Variants in SEZ6L observed in about 807,000 individuals in gnomAD.
SEZ6L encodes the protein seizure related 6 homolog like.
SEZ6L carries 37 observed loss-of-function variants against 106.2 expected under a neutral mutation model. The ratio of observed to expected loss-of-function variants is 0.35; its 90% CI spans 0.27 to 0.46. The LOEUF is 0.46. Among genes scored for constraint, SEZ6L ranks in the 20% least tolerant of loss-of-function variants. SEZ6L has a pLI of 1.00. For synonymous variants in SEZ6L, 541 were observed against 570.4 expected, an observed-to-expected ratio of 0.95 and a Z score of 0.73; for missense variants, 1,172 against 1,332.8, an observed-to-expected ratio of 0.88 and a Z score of 1.88.
chr22:26,370,859 C>T (rs1000640948), intron 13 of SEZ6L, among the ~76,000 whole-genome samples: 4 of 151,896 alleles, frequency 2.6e-5, no homozygotes, highest in South Asian at 2.1e-4. Flanking sequence ...AAAAAATTAG[C>T]GGGGCATGGT....
rs1293960744 is a variant in SEZ6L at position 26,382,222 on chromosome 22, T to C, written c.*1927T>C. The stretch of plus-strand genomic sequence containing the variant: ...AGTGTTCTAGGCCATTAGTGGACAA[T>C]GTCATGTTTGGAGAAAGATAACAAC... On this transcript the variant is annotated 3_prime_UTR_variant, in exon 17 of 17. Transcript: ENST00000248933. 2.0e-5 allele frequency: 5 copies of C among 247,646 alleles called. No homozygotes were observed. The East Asian group carries it at 4.8e-4, about 24-fold the overall frequency. The allele number at this position is 247,646 out of a possible 1,614,324, so 15.3% of individuals were successfully genotyped here.
At chr22:26,333,500 G>C (rs2082552260) in intron 9 of SEZ6L, among the ~76,000 whole-genome samples, 1 of 152,050 alleles carries the variant, frequency 6.6e-6, no homozygotes, top group Admixed American at 6.5e-5. Context: ...GCAGGGAAGA[G>C]TCCAGTCGGG....
intron 1 of SEZ6L, among the ~76,000 whole-genome samples, chr22:26,288,915 C>A (rs2081020012): frequency 1.3e-5 from 2 of 150,886 alleles, no homozygotes; most frequent in South Asian, 2.1e-4. Context: ...CCAGATAACC[C>A]AAAAAAAAAC....
intron 1 of SEZ6L, among the ~76,000 whole-genome samples, chr22:26,266,760 G>C (rs1323636162): frequency 1.3e-5 from 2 of 151,982 alleles, no homozygotes; most frequent in African/African-American, 2.4e-5. Flanking sequence ...GACCAGGTCA[G>C]TTCTGTTTCT....
At chr22:26,269,716 C>G (rs1055497200) in intron 1 of SEZ6L, among the ~76,000 whole-genome samples, 6 of 152,198 alleles carry the variant, frequency 3.9e-5, no homozygotes, top group African/African-American at 9.7e-5. Context: ...GCGTGTTATC[C>G]TGCCTGTCAC....
intron 1 of SEZ6L, among the ~76,000 whole-genome samples, chr22:26,236,009 TG>T (rs1324480433): frequency 2.0e-5 from 3 of 152,382 alleles, no homozygotes; most frequent in Admixed American, 6.5e-5. Flanking sequence ...GGCCTTGGCC[TG>T]GCCTTGGCCC....
At chr22:26,297,808 C>T (rs780393807) in intron 4 of SEZ6L, among the ~76,000 whole-genome samples, 1 of 151,066 alleles carries the variant, frequency 6.6e-6, no homozygotes, top group Non-Finnish European at 1.5e-5. Flanking sequence ...CTCTTCCTTT[C>T]CACCCTCTAT....
At chr22:26,359,957 GT>G (rs2083560171) in intron 12 of SEZ6L, among the ~76,000 whole-genome samples, 1 of 152,160 alleles carries the variant, frequency 6.6e-6, no homozygotes, top group Non-Finnish European at 1.5e-5. Context: ...GGCTGTTTTG[GT>G]CATGATTGTT....
chr22:26,339,125 T>C (rs997904189), intron 9 of SEZ6L, among the ~76,000 whole-genome samples: 2 of 152,086 alleles, frequency 1.3e-5, no homozygotes, highest in Non-Finnish European at 2.9e-5. Flanking sequence ...GTCCTTACTT[T>C]CTCTGTCCTT....
At chr22:26,188,765 G>C (rs1939978537) in intron 1 of SEZ6L, among the ~76,000 whole-genome samples, 1 of 152,182 alleles carries the variant, frequency 6.6e-6, no homozygotes, top group African/African-American at 2.4e-5. Flanking sequence ...ATAGCTCTAA[G>C]TGTTCACGCC....
intron 9 of SEZ6L, among the ~76,000 whole-genome samples, chr22:26,329,312 G>A (rs954562272): frequency 2.0e-5 from 3 of 151,946 alleles, no homozygotes; most frequent in African/African-American, 7.3e-5. Context: ...TACTAAAACT[G>A]CAAAAATTAG....
chr22:26,347,677 A>G, intron 10 of SEZ6L, 42 bp from the exon 11 acceptor site: 1 of 1,540,210 alleles, frequency 6.5e-7, no homozygotes, highest in Non-Finnish European at 8.7e-7. Flanking sequence ...CCCGACAACA[A>G]GACTGCTTCC....
At chr22:26,305,955 C>G in intron 5 of SEZ6L, 24 bp from the exon 6 acceptor site, 1 of 1,582,836 alleles carries the variant, frequency 6.3e-7, no homozygotes. Flanking sequence ...TCTCCCATTG[C>G]CCACCCACCC....
intron 1 of SEZ6L, among the ~76,000 whole-genome samples, chr22:26,170,414 G>A (rs1018194429): frequency 1.3e-5 from 2 of 152,084 alleles, no homozygotes; most frequent in African/African-American, 4.8e-5. Context: ...TAGCAGTTGG[G>A]AACCTGAACG....
At position 26,299,043 on chromosome 22, in the gene SEZ6L, G is replaced by A. The variant is rs201236913; in HGVS notation, c.1222G>A (p.Asp408Asn). 319 of 1,606,740 alleles carry A rather than the reference G, an allele frequency of 2.0e-4. No individual in the cohort carries two copies. The highest frequency in any genetic ancestry group is 2.5e-4 in the Non-Finnish European group (297 of 1,176,858). ...RPDSGDVTVM[D>N]LHSGGVAHFH... ...TGACTCTGGGGATGTCACGGTGATG[G>A]ACCTGCACTCAGGTGGGGTGGCCCA... Residue 408 changes from aspartate (D) to asparagine (N), a missense_variant, in exon 5 of 17, where the codon GAC (aspartate) becomes AAC (asparagine). Physicochemically the swap from Asp to Asn is conservative, Grantham distance 23. Transcript: ENST00000248933.
At chr22:26,356,650 AT>A (rs1222369595) in intron 12 of SEZ6L, among the ~76,000 whole-genome samples, 1 of 10,398 alleles carries the variant, frequency 9.6e-5, no homozygotes, top group Non-Finnish European at 2.1e-4. Context: ...TCAAATAATA[AT>A]AATAATAATA....
chr22:26,359,711 G>T (rs914700298), intron 12 of SEZ6L, among the ~76,000 whole-genome samples: 3 of 152,110 alleles, frequency 2.0e-5, no homozygotes, highest in Non-Finnish European at 2.9e-5. Flanking sequence ...AGGCTAAGGT[G>T]GGAGGATCTC....
At chr22:26,348,703 A>AAGGAAGG (rs2083149621) in intron 11 of SEZ6L, among the ~76,000 whole-genome samples, 5 of 41,482 alleles carry the variant, frequency 1.2e-4, no homozygotes, top group Admixed American at 5.3e-4. Flanking sequence ...AGAAAGAAAG[A>AAGGAAGG]AGGCAAGGGA....
chr22:26,244,941 G>A (rs1385443669), intron 1 of SEZ6L, among the ~76,000 whole-genome samples: 1 of 152,180 alleles, frequency 6.6e-6, no homozygotes, highest in African/African-American at 2.4e-5. Flanking sequence ...TTCAGCAATG[G>A]GGAGCCACGG....
Sources: gnomAD v4.1 joint callset for allele counts (sites outside exome capture counted in the v4.1 genomes callset) on GRCh38, gnomAD v4.1.1 for gene constraint, MANE v1.5 for transcripts, NCBI Gene and HGNC (gene_info 2026-07-23, HGNC 2026-07-21) for gene names.